The following CHRNA7 variants were observed in gnomAD, a reference collection of about 807,000 sequenced individuals.
The protein encoded by CHRNA7 is cholinergic receptor nicotinic alpha 7 subunit.
A neutral mutation model predicts 48.0 loss-of-function variants in CHRNA7; 17 were observed. The ratio of observed to expected loss-of-function variants is 0.35; its 90% CI spans 0.24 to 0.53. The LOEUF is 0.53. Among genes scored for constraint, CHRNA7 ranks in the 20% least tolerant of loss-of-function variants. CHRNA7 has a pLI of 0.92. For synonymous variants in CHRNA7, 75 were observed against 242.3 expected (o/e 0.31, Z 6.41); for missense variants, 155 against 577.7 (o/e 0.27, Z 7.50).
intron 4 of CHRNA7, among the ~76,000 whole-genome samples, chr15:32,136,318 C>T (rs961805786): frequency 8.6e-5 from 13 of 151,912 alleles, no homozygotes; most frequent in African/African-American, 2.9e-4. Context: ...TGGTGAAACC[C>T]CATCTCTACT....
intron 2 of CHRNA7, among the ~76,000 whole-genome samples, chr15:32,061,156 A>G (rs1274672170): frequency 6.6e-6 from 1 of 152,190 alleles, no homozygotes; most frequent in Non-Finnish European, 1.5e-5. Context: ...TGGTGCTTGT[A>G]GGAGTGGAAC....
chr15:32,096,078 A>G (rs2050463519), intron 2 of CHRNA7, among the ~76,000 whole-genome samples: 2 of 152,258 alleles, frequency 1.3e-5, no homozygotes, highest in South Asian at 2.1e-4. Flanking sequence ...GAAAAGAGAC[A>G]TATAAAATTA....
chr15:32,120,602 G>T (rs2050951780), intron 4 of CHRNA7, among the ~76,000 whole-genome samples: 1 of 151,928 alleles, frequency 6.6e-6, no homozygotes, highest in Non-Finnish European at 1.5e-5. Flanking sequence ...TGCTGTCTGT[G>T]CAAGAGTTTG....
intron 3 of CHRNA7, among the ~76,000 whole-genome samples, chr15:32,103,976 G>C (rs1256752175): frequency 6.6e-6 from 1 of 152,108 alleles, no homozygotes; most frequent in Non-Finnish European, 1.5e-5. Context: ...GTCTACATGG[G>C]TGTCATCTCT....
chr15:32,108,523 T>C (rs529567876), intron 3 of CHRNA7, among the ~76,000 whole-genome samples: 35 of 152,300 alleles, frequency 2.3e-4, no homozygotes, highest in Non-Finnish European at 4.9e-4. Context: ...AAGTTTGTTG[T>C]TTGTAGGGCC....
intron 2 of CHRNA7, among the ~76,000 whole-genome samples, chr15:32,033,772 C>T (rs1304871542): frequency 1.3e-5 from 2 of 152,206 alleles, no homozygotes; most frequent in African/African-American, 2.4e-5. Context: ...TCTCTTTACA[C>T]ATTTGTTGCC....
intron 2 of CHRNA7, among the ~76,000 whole-genome samples, chr15:32,049,572 C>G (rs1265508149): frequency 5.9e-5 from 9 of 152,192 alleles, no homozygotes; most frequent in Non-Finnish European, 1.3e-4. Flanking sequence ...CTGAATACAG[C>G]ACACTGATGG....
intron 4 of CHRNA7, among the ~76,000 whole-genome samples, chr15:32,136,671 A>G (rs935419491): frequency 6.6e-6 from 1 of 152,124 alleles, no homozygotes; most frequent in Non-Finnish European, 1.5e-5. Flanking sequence ...TAACCACCAG[A>G]CCAGACACAT....
At chr15:32,139,158 A>G (rs953520273) in intron 4 of CHRNA7, among the ~76,000 whole-genome samples, 2 of 152,232 alleles carry the variant, frequency 1.3e-5, no homozygotes, top group Non-Finnish European at 2.9e-5. Context: ...ATTTGGTAAT[A>G]TGCATTTAAG....
At chr15:32,094,484 G>GA (rs2050433728) in intron 2 of CHRNA7, among the ~76,000 whole-genome samples, 1 of 152,100 alleles carries the variant, frequency 6.6e-6, no homozygotes, top group African/African-American at 2.4e-5. Flanking sequence ...ATTAGAAACA[G>GA]AAAACCAACC....
At chr15:32,082,305 CT>C (rs2050229454) in intron 2 of CHRNA7, among the ~76,000 whole-genome samples, 2 of 151,284 alleles carry the variant, frequency 1.3e-5, no homozygotes, top group Admixed American at 1.3e-4. Context: ...CCACCTTCTT[CT>C]TTTATCTAGG....
chr15:32,090,776 A>G (rs540969963), intron 2 of CHRNA7, among the ~76,000 whole-genome samples: 1 of 152,206 alleles, frequency 6.6e-6, no homozygotes, highest in Non-Finnish European at 1.5e-5. Context: ...TGAGGAACTC[A>G]TACTTCCTTA....
chr15:32,049,660 T>C (rs1008889200), intron 2 of CHRNA7, among the ~76,000 whole-genome samples: 25 of 152,304 alleles, frequency 1.6e-4, no homozygotes, highest in African/African-American at 5.5e-4. Flanking sequence ...GAAGTTAATA[T>C]TGTTATGTGT....
At chr15:32,104,579 G>A (rs1214840613) in intron 3 of CHRNA7, among the ~76,000 whole-genome samples, 4 of 152,062 alleles carry the variant, frequency 2.6e-5, no homozygotes, top group African/African-American at 9.7e-5. Context: ...ACAGTGTGGG[G>A]GACAGGGCTC....
intron 3 of CHRNA7, among the ~76,000 whole-genome samples, chr15:32,106,174 C>G (rs1226508459): frequency 6.6e-6 from 1 of 152,154 alleles, no homozygotes. Flanking sequence ...TGAAGGCTCT[C>G]AGGGCCAGGG....
At chr15:32,114,056 A>ATATATATG (rs2050818016) in intron 4 of CHRNA7, among the ~76,000 whole-genome samples, 1 of 42,108 alleles carries the variant, frequency 2.4e-5, no homozygotes, top group South Asian at 1.8e-3. Context: ...ATATATATAT[A>ATATATATG]TATACATATA....
chr15:32,142,004 C>T (rs2051389122), intron 4 of CHRNA7, among the ~76,000 whole-genome samples: 1 of 152,162 alleles, frequency 6.6e-6, no homozygotes, highest in African/African-American at 2.4e-5. Context: ...TGCCAGTTTT[C>T]AAAGGGAATG....
At chr15:32,106,510 C>T (rs888089043) in intron 3 of CHRNA7, among the ~76,000 whole-genome samples, 1 of 152,152 alleles carries the variant, frequency 6.6e-6, no homozygotes, top group Non-Finnish European at 1.5e-5. Flanking sequence ...CTCTGTTCAC[C>T]TCTTCATGTT....
At chr15:32,062,338 A>G (rs2049892736) in intron 2 of CHRNA7, among the ~76,000 whole-genome samples, 1 of 152,234 alleles carries the variant, frequency 6.6e-6, no homozygotes, top group African/African-American at 2.4e-5. Flanking sequence ...TATAATGTTT[A>G]TATTAAAATC....
Sources: allele counts gnomAD v4.1 joint callset (sites outside exome capture counted in the v4.1 genomes callset), GRCh38; gene constraint gnomAD v4.1.1; transcripts MANE v1.5; gene names NCBI Gene and HGNC (gene_info 2026-07-23, HGNC 2026-07-21).